Variants in TENM2 observed in about 807,000 individuals in gnomAD.
TENM2 encodes teneurin-2.
In TENM2, 52 loss-of-function variants were observed where a neutral mutation model predicts 245.2. The ratio of observed to expected loss-of-function variants is 0.21; its 90% CI spans 0.17 to 0.27. The LOEUF (loss-of-function observed/expected upper bound fraction) is 0.27, where lower values mean the gene tolerates loss of function less well. Among genes scored for constraint, TENM2 ranks in the 10% least tolerant of loss-of-function variants. TENM2 has a pLI of 1.00. For synonymous variants in TENM2, 1,363 were observed against 1,438.9 expected (o/e 0.95, Z 1.19); for missense variants, 3,046 against 3,666.8 (o/e 0.83, Z 4.37).
At chr5:167,982,420 A>G (rs960680180) in intron 4 of TENM2, among the ~76,000 whole-genome samples, 5 of 152,266 alleles carry the variant, frequency 3.3e-5, no homozygotes, top group Admixed American at 1.3e-4. Context: ...CAGTGATTTC[A>G]TATTTGAGAT....
At chr5:167,186,013 G>C in the TENM2 span, among the ~76,000 whole-genome samples, 2 of 152,104 alleles carry the variant, frequency 1.3e-5, no homozygotes, top group African/African-American at 4.8e-5. Context: ...ATGATACCTG[G>C]CTTTTTTCTG....
intron 2 of TENM2, among the ~76,000 whole-genome samples, chr5:167,857,249 A>T (rs573695294): frequency 2.0e-5 from 3 of 152,328 alleles, no homozygotes; most frequent in African/African-American, 7.2e-5. Flanking sequence ...TTCGTAGCCA[A>T]ATTCAGCTTG....
At chr5:168,080,311 T>C (rs1234079607) in intron 7 of TENM2, among the ~76,000 whole-genome samples, 1 of 152,198 alleles carries the variant, frequency 6.6e-6, no homozygotes, top group African/African-American at 2.4e-5. Flanking sequence ...TCTATTTGAT[T>C]CTTCTCTCTT....
intron 2 of TENM2, among the ~76,000 whole-genome samples, chr5:167,842,968 A>G (rs554813166): frequency 2.0e-5 from 3 of 152,172 alleles, no homozygotes; most frequent in South Asian, 4.1e-4. Flanking sequence ...TTAGGACACG[A>G]TGAAATGCCT....
chr5:167,179,362 A>T, the TENM2 span, among the ~76,000 whole-genome samples: 14 of 152,300 alleles, frequency 9.2e-5, no homozygotes, highest in Admixed American at 3.9e-4. Context: ...TAAAAGACAG[A>T]TTTATTTTTA....
At chr5:168,005,740 C>T (rs566507295) in intron 5 of TENM2, among the ~76,000 whole-genome samples, 1 of 152,106 alleles carries the variant, frequency 6.6e-6, no homozygotes, top group African/African-American at 2.4e-5. Flanking sequence ...AGAAAAAATT[C>T]TTTGTGTTGT....
chr5:168,227,412 A>G (rs1764302780), intron 24 of TENM2, among the ~76,000 whole-genome samples: 1 of 152,130 alleles, frequency 6.6e-6, no homozygotes, highest in Non-Finnish European at 1.5e-5. Flanking sequence ...TTCTCAAAGA[A>G]AGAATCCTGG....
the TENM2 span, among the ~76,000 whole-genome samples, chr5:167,164,760 A>G: frequency 1.3e-5 from 2 of 152,172 alleles, no homozygotes; most frequent in East Asian, 1.9e-4. Context: ...TTTTATATAG[A>G]TAGATATCTC....
At chr5:167,395,819 ATAATTT>A (rs1164576021) in intron 2 of TENM2, among the ~76,000 whole-genome samples, 2 of 152,178 alleles carry the variant, frequency 1.3e-5, no homozygotes, top group Non-Finnish European at 2.9e-5. Flanking sequence ...GAACCTATAG[ATAATTT>A]TAAGTGAGGA....
At position 168,117,312 on chromosome 5, in the gene TENM2, A is replaced by G. The variant is rs77806782; in HGVS notation, c.1814-980A>G. Reference sequence around the variant, plus strand: ...AATAAGTCAAGCATATTTAATCGTTATGCTTTATTACACATGTTACACTTT... The same window carrying G: ...AATAAGTCAAGCATATTTAATCGTTGTGCTTTATTACACATGTTACACTTT... On this transcript the variant is annotated intron_variant, in intron 9 of 28. Transcript: ENST00000518659. 2.1e-3 allele frequency among the ~76,000 whole-genome samples: 313 copies of G among 152,212 alleles called. 4 individuals are homozygous for G. Among genetic ancestry groups the G allele is most frequent in the African/African-American group, 7.2e-3 (298 of 41,524 alleles).
chr5:167,101,835 T>TTATATATATATATTTATATATATATATA, the TENM2 span, among the ~76,000 whole-genome samples: 3 of 50,860 alleles, frequency 5.9e-5, no homozygotes, highest in South Asian at 1.1e-3. Flanking sequence ...CTCTTGACAT[T>TTATATATATATATTTATATATATATATA]TATATATATA....
the TENM2 span, among the ~76,000 whole-genome samples, chr5:166,982,106 T>G: frequency 6.6e-6 from 1 of 152,312 alleles, no homozygotes; most frequent in Non-Finnish European, 1.5e-5. Flanking sequence ...ACTTAGATAG[T>G]TTCATTTCAA....
intron 2 of TENM2, among the ~76,000 whole-genome samples, chr5:167,456,562 AG>A (rs1216965572): frequency 2.6e-5 from 4 of 152,190 alleles, no homozygotes; most frequent in Non-Finnish European, 2.9e-5. Flanking sequence ...CATCATTTTC[AG>A]ACAAAATGTA....
chr5:168,132,618 C>T (rs4976575), intron 12 of TENM2, among the ~76,000 whole-genome samples: 63,992 of 151,982 alleles, frequency 0.42, 14,007 homozygotes, highest in Admixed American at 0.55. Flanking sequence ...GGTATTCCTT[C>T]CTGACTTCAC....
chr5:167,375,011 TTTTG>T (rs1760663861), intron 1 of TENM2, among the ~76,000 whole-genome samples, 183 bp from the exon 4 acceptor site: 1 of 152,162 alleles, frequency 6.6e-6, no homozygotes, highest in African/African-American at 2.4e-5. Flanking sequence ...ACTTTCTTTC[TTTTG>T]TTTGTTTTTC....
At chr5:167,336,952 C>T (rs1757801152) in intron 1 of TENM2, among the ~76,000 whole-genome samples, 1 of 149,994 alleles carries the variant, frequency 6.7e-6, no homozygotes, top group South Asian at 2.1e-4. Context: ...CCCGTCTCTA[C>T]TAAAAATACA....
At chr5:167,135,498 C>T in the TENM2 span, among the ~76,000 whole-genome samples, 143 of 152,208 alleles carry the variant, frequency 9.4e-4, no homozygotes, top group Non-Finnish European at 1.4e-3. Context: ...GTGTATTGGC[C>T]GGGTGCAGTG....
chr5:167,778,033 G>T (rs1163170228), intron 2 of TENM2, among the ~76,000 whole-genome samples: 1 of 152,202 alleles, frequency 6.6e-6, no homozygotes, highest in Non-Finnish European at 1.5e-5. Context: ...AGTGGACAGA[G>T]TTGAGTAGTT....
intron 2 of TENM2, among the ~76,000 whole-genome samples, chr5:167,812,882 C>T (rs559154960): frequency 2.0e-5 from 3 of 152,234 alleles, no homozygotes; most frequent in African/African-American, 4.8e-5. Context: ...GTCAGGGACC[C>T]GATGCCACAC....
Sources: gnomAD v4.1 joint callset for allele counts (sites outside exome capture counted in the v4.1 genomes callset) on GRCh38, gnomAD v4.1.1 for gene constraint, MANE v1.5 for transcripts, NCBI Gene and HGNC (gene_info 2026-07-23, HGNC 2026-07-21) for gene names.